GRID2: variants seen among roughly 807,000 people sequenced by gnomAD.
GRID2 encodes the protein glutamate receptor ionotropic, delta-2.
GRID2 carries 33 observed loss-of-function variants against 114.8 expected under a neutral mutation model. The ratio of observed to expected loss-of-function variants is 0.29; its 90% CI spans 0.22 to 0.38. GRID2 has a LOEUF of 0.38. Ranked by LOEUF, GRID2 falls within the 10% of genes least tolerant of loss-of-function variation. The pLI is 1.00. For missense variants in GRID2, 1,184 were observed against 1,257.7 expected, an observed-to-expected ratio of 0.94 and a Z score of 0.89; for synonymous variants, 505 against 449.9, an observed-to-expected ratio of 1.12 and a Z score of -1.55.
At chr4:92,978,757 T>A (rs1055849456) in intron 2 of GRID2, among the ~76,000 whole-genome samples, 1 of 152,168 alleles carries the variant, frequency 6.6e-6, no homozygotes, top group Non-Finnish European at 1.5e-5. Context: ...TAAGGCTGTG[T>A]ACAGTTGCTC....
At chr4:93,345,844 T>C (rs1760173061) in intron 8 of GRID2, among the ~76,000 whole-genome samples, 1 of 152,166 alleles carries the variant, frequency 6.6e-6, no homozygotes, top group Non-Finnish European at 1.5e-5. Flanking sequence ...AGGATTCAAT[T>C]TCATTCATCT....
At chr4:92,851,902 G>A (rs1198644979) in intron 2 of GRID2, among the ~76,000 whole-genome samples, 1 of 151,938 alleles carries the variant, frequency 6.6e-6, no homozygotes, top group Non-Finnish European at 1.5e-5. Context: ...CTTTGCAAAA[G>A]AATGCAGAAA....
chr4:93,772,423 A>T lies in GRID2; in HGVS notation c.2949A>T (p.Ser983=). The change falls in exon 16 of 16, where the codon TCA becomes TCT. Residue 983 remains serine (S), a synonymous_variant. Coordinates refer to ENST00000282020, the MANE Select transcript of GRID2 (RefSeq NM_001510.4). ...GFFRSPIKTM[S]SIPYQPTPTL... is the part of the protein sequence containing the mutation. ...TCAGGAGTCCTATAAAAACAATGTC[A>T]TCTATTCCTTATCAACCAACTCCTA... 2 of 1,613,756 alleles carry T rather than the reference A, an allele frequency of 1.2e-6. No individual in the cohort carries two copies. Among genetic ancestry groups the T allele is most frequent in the Non-Finnish European group, 1.7e-6 (2 of 1,179,786 alleles).
intron 2 of GRID2, among the ~76,000 whole-genome samples, chr4:92,704,725 C>CTCTCTCTCTCTCTCTCTCTCTCTCTCTT (rs1560542517): frequency 7.5e-6 from 1 of 133,186 alleles, no homozygotes; most frequent in Non-Finnish European, 1.6e-5. Context: ...CTCTCTCTTT[C>CTCTCTCTCTCTCTCTCTCTCTCTCTCTT]TCTCTCTCTC....
At chr4:93,743,856 T>C (rs1324836264) in intron 14 of GRID2, among the ~76,000 whole-genome samples, 1 of 152,224 alleles carries the variant, frequency 6.6e-6, no homozygotes, top group Admixed American at 6.5e-5. Flanking sequence ...AGATGCTGTC[T>C]ATCACTTTCA....
chr4:93,646,607 G>A (rs1722136706), intron 14 of GRID2, among the ~76,000 whole-genome samples: 1 of 152,158 alleles, frequency 6.6e-6, no homozygotes, highest in Admixed American at 6.6e-5. Flanking sequence ...TTAAAGTAGA[G>A]AAAGATATAT....
At chr4:92,358,158 G>GGGTTC (rs199676143) in intron 1 of GRID2, among the ~76,000 whole-genome samples, 10,002 of 151,980 alleles carry the variant, frequency 0.066, 387 homozygotes, top group Middle Eastern at 0.14. Flanking sequence ...GGAAGGCTAA[G>GGGTTC]CAGTCTGTCT....
At chr4:93,139,636 C>A (rs1386984899) in intron 4 of GRID2, among the ~76,000 whole-genome samples, 2 of 152,064 alleles carry the variant, frequency 1.3e-5, no homozygotes, top group Non-Finnish European at 2.9e-5. Context: ...CGTCCTAAGG[C>A]CCCCGGAAGA....
rs529852755 is a variant in GRID2, at chr4:93,572,159, A to G, written c.2194-54110A>G. On this transcript the variant is annotated intron_variant, in intron 13 of 15. Transcript: ENST00000282020. Reference sequence around the variant, plus strand: ...TATTCAGAACTTATTCATGTGTCAAACTTTAGAGGATTGTATAAAGACATC... The same window carrying G: ...TATTCAGAACTTATTCATGTGTCAAGCTTTAGAGGATTGTATAAAGACATC... 1.1e-3 allele frequency among the ~76,000 whole-genome samples: 167 copies of G among 152,254 alleles called. 1 individual carries two copies. The highest frequency in any genetic ancestry group is 1.6e-3 in the Non-Finnish European group (110 of 68,004).
At chr4:92,444,836 T>G (rs1202243671) in intron 1 of GRID2, among the ~76,000 whole-genome samples, 1 of 152,234 alleles carries the variant, frequency 6.6e-6, no homozygotes, top group African/African-American at 2.4e-5. Context: ...TTTTGGAGGA[T>G]TGATACATTT....
intron 2 of GRID2, among the ~76,000 whole-genome samples, chr4:92,887,798 G>C (rs1407497418): frequency 6.6e-6 from 1 of 152,090 alleles, no homozygotes; most frequent in East Asian, 1.9e-4. Flanking sequence ...TTTCTCTCTT[G>C]CTTTCTTAAA....
chr4:92,700,528 T>G (rs1202610874), intron 2 of GRID2, among the ~76,000 whole-genome samples: 1 of 152,142 alleles, frequency 6.6e-6, no homozygotes, highest in Non-Finnish European at 1.5e-5. Context: ...TTCCCTTAGT[T>G]TTTCCGTTAA....
At chr4:93,087,353 A>T (rs2149324895) in intron 3 of GRID2, among the ~76,000 whole-genome samples, 1 of 152,212 alleles carries the variant, frequency 6.6e-6, no homozygotes, top group East Asian at 1.9e-4. Flanking sequence ...CATTTTCTCA[A>T]CATTAAAACA....
intron 1 of GRID2, among the ~76,000 whole-genome samples, chr4:92,415,823 G>A (rs902340823): frequency 2.8e-5 from 4 of 142,844 alleles, no homozygotes; most frequent in Admixed American, 7.3e-5. Flanking sequence ...GTCATAGTCT[G>A]GTTTCATATC....
In GRID2 at chr4:93,297,237, C is replaced by T. The variant is rs536582540; in HGVS notation, c.1245+58747C>T. Among the ~76,000 whole-genome samples the T allele has an allele frequency of 1.4e-4, 21 of 152,242 alleles. No homozygotes were observed. In the South Asian group the frequency reaches 4.4e-3, roughly 32 times the overall value. On this transcript the variant is annotated intron_variant, in intron 8 of 15. Coordinates refer to ENST00000282020, the MANE Select transcript of GRID2 (RefSeq NM_001510.4). ...TAGGCATCAAGAGCAGTACGTGATACATGTGTAGGTGCTCAATAAATATTG... is the reference window on the plus strand; with the variant it reads ...TAGGCATCAAGAGCAGTACGTGATATATGTGTAGGTGCTCAATAAATATTG...
intron 8 of GRID2, among the ~76,000 whole-genome samples, chr4:93,282,816 TGAGGGGCTCAG>T (rs1561082511): frequency 6.6e-6 from 1 of 151,980 alleles, no homozygotes; most frequent in African/African-American, 2.4e-5. Context: ...CTGCTTTTGG[TGAGGGGCTCAG>T]GAAGTTTACC....
chr4:92,761,938 T>C (rs1560577352), intron 2 of GRID2, among the ~76,000 whole-genome samples: 1 of 152,190 alleles, frequency 6.6e-6, no homozygotes, highest in Non-Finnish European at 1.5e-5. Flanking sequence ...TTTTTGTTTG[T>C]TTGTTTGTTT....
At chr4:92,641,656 A>T (rs1295066443) in intron 2 of GRID2, among the ~76,000 whole-genome samples, 1 of 151,714 alleles carries the variant, frequency 6.6e-6, no homozygotes, top group Non-Finnish European at 1.5e-5. Flanking sequence ...GAAGTGTCCT[A>T]AAATTATTTT....
intron 2 of GRID2, among the ~76,000 whole-genome samples, chr4:92,860,666 A>T (rs570558754): frequency 8.5e-5 from 13 of 152,254 alleles, no homozygotes; most frequent in Non-Finnish European, 1.9e-4. Context: ...AGGAAAAGTG[A>T]TTAGTTTATT....
Sources: gnomAD v4.1 joint callset for allele counts (sites outside exome capture counted in the v4.1 genomes callset) on GRCh38, gnomAD v4.1.1 for gene constraint, MANE v1.5 for transcripts, NCBI Gene and HGNC (gene_info 2026-07-23, HGNC 2026-07-21) for gene names.